The following ABHD10 variants were observed in gnomAD, a reference collection of about 807,000 sequenced individuals.
The protein encoded by ABHD10 is palmitoyl-protein thioesterase ABHD10, mitochondrial.
Under a neutral mutation model 33.1 loss-of-function variants are expected in ABHD10, and 22 were observed. The observed-to-expected ratio is 0.66, with a 90% confidence interval of 0.47 to 0.95. The LOEUF (loss-of-function observed/expected upper bound fraction) is 0.95, where lower values mean the gene tolerates loss of function less well. Among genes scored for constraint, ABHD10 ranks in the 40% least tolerant of loss-of-function variants. The pLI is 0.00. For synonymous variants in ABHD10, 146 were observed against 133.9 expected (o/e 1.09, Z -0.62); for missense variants, 352 against 379.9 (o/e 0.93, Z 0.61).
intron 4 of ABHD10, among the ~76,000 whole-genome samples, chr3:111,991,048 T>G (rs2072733471): frequency 6.6e-6 from 1 of 152,178 alleles, no homozygotes; most frequent in Non-Finnish European, 1.5e-5. Flanking sequence ...TAAATAAATT[T>G]AAATTTAAGT....
chr3:111,988,582 GT>G (rs750905439), intron 4 of ABHD10, among the ~76,000 whole-genome samples: 9 of 151,792 alleles, frequency 5.9e-5, no homozygotes, highest in Non-Finnish European at 1.0e-4. Context: ...GTGTACATTT[GT>G]TTTGGTTTTG....
chr3:111,986,366 T>C lies in ABHD10; in HGVS notation c.429T>C (p.Asp143=), dbSNP rs758270944. The change falls in exon 3 of 5, where the codon GAT becomes GAC. Residue 143 remains aspartate, a synonymous_variant. Coordinates refer to ENST00000273359, the MANE Select transcript of ABHD10 (RefSeq NM_018394.4). ...TTTCTATAATTGATGACTTAGCTGA[T>C]GGGCCACAGGTGACTGTTTTGTTAA... ...DVLSIIDDLA[D]GPQILVGSSL... 6.2e-7 allele frequency: 1 copy of C among 1,608,270 alleles called. No individual in the cohort carries two copies. Among genetic ancestry groups the C allele is most frequent in the East Asian group, 2.2e-5 (1 of 44,826 alleles).
At chr3:111,986,725 A>G (rs1006599085) in intron 3 of ABHD10, among the ~76,000 whole-genome samples, 189 bp from the exon 4 acceptor site, 2 of 152,200 alleles carry the variant, frequency 1.3e-5, no homozygotes, top group South Asian at 2.1e-4. Flanking sequence ...GTGAGCCACC[A>G]CACCCGGCCT....
intron 2 of ABHD10, among the ~76,000 whole-genome samples, chr3:111,985,265 A>G (rs1222494285): frequency 2.0e-5 from 3 of 152,202 alleles, no homozygotes; most frequent in African/African-American, 2.4e-5. Flanking sequence ...TGGGTGTGGT[A>G]TGATACTTTA....
rs2107714641 is a variant in ABHD10, at chr3:111,991,866, T to C, written c.*145T>C. The C allele has an allele frequency of 1.6e-6, 1 of 615,238 alleles. No individual in the cohort carries two copies. Among genetic ancestry groups the C allele is most frequent in the South Asian group, 2.9e-5 (1 of 34,384 alleles). 38.1% of individuals were successfully genotyped at this position (615,238 alleles called of 1,614,324 possible). ...AGTATTATTTAATGATGTATTTGCATAAGTAATGCAAATTGTGAAGAAGGA... is the reference window on the plus strand; with the variant it reads ...AGTATTATTTAATGATGTATTTGCACAAGTAATGCAAATTGTGAAGAAGGA... On this transcript the variant is annotated 3_prime_UTR_variant, in exon 5 of 5. Transcript: ENST00000273359.
rs770313072 is a variant in ABHD10, at chr3:111,986,894, T to C, written c.439-20T>C. ...TGTTCTATCTTAAAGACCTAATGTT[T>C]TATTTTATTTTATTTTTAGATTCTT... On this transcript the variant is annotated intron_variant, in intron 3 of 4. Transcript: ENST00000273359. 6.4e-7 allele frequency: 1 copy of C among 1,564,324 alleles called. No individual in the cohort carries two copies. The highest frequency in any genetic ancestry group is 1.2e-5 in the South Asian group (1 of 83,546).
chr3:111,980,413 C>CT (rs1388601987), intron 1 of ABHD10, among the ~76,000 whole-genome samples: 1 of 152,200 alleles, frequency 6.6e-6, no homozygotes, highest in Admixed American at 6.5e-5. Flanking sequence ...ATGGGGAAAA[C>CT]TTTAGCAGCA....
chr3:111,987,511 C>T (rs2072682773), intron 4 of ABHD10, among the ~76,000 whole-genome samples: 2 of 152,172 alleles, frequency 1.3e-5, no homozygotes, highest in South Asian at 4.2e-4. Flanking sequence ...GCTTCCAAGA[C>T]CTCCCATGGA....
In ABHD10 at chr3:111,991,464, A is replaced by G. The variant is rs1216572880; in HGVS notation, c.664A>G (p.Ile222Val). Residue 222 changes from isoleucine to valine, a missense_variant, in exon 5 of 5, where the codon ATT becomes GTT. Physicochemically the swap from Ile to Val is conservative, Grantham distance 29. Coordinates refer to ENST00000273359, the MANE Select transcript of ABHD10 (RefSeq NM_018394.4). ...EGVYNVQYSF[I>V]KEAEHHCLLH... ...AGTTTATAACGTTCAGTACAGTTTC[A>G]TTAAAGAAGCTGAACATCACTGCTT... The G allele has an allele frequency of 8.1e-6, 13 of 1,613,998 alleles. No homozygotes were observed. Among genetic ancestry groups the G allele is most frequent in the African/African-American group, 2.7e-5 (2 of 74,944 alleles).
chr3:111,988,524 G>C (rs1465795241), intron 4 of ABHD10, among the ~76,000 whole-genome samples: 1 of 151,740 alleles, frequency 6.6e-6, no homozygotes, highest in Non-Finnish European at 1.5e-5. Flanking sequence ...GATTTTTGGG[G>C]GTTGGGGGTT....
chr3:111,986,852 G>T, intron 3 of ABHD10, 62 bp from the exon 4 acceptor site: 3 of 1,254,416 alleles, frequency 2.4e-6, no homozygotes, highest in East Asian at 2.8e-5. Context: ...TACATATTTT[G>T]TTTTATGTTT....
intron 2 of ABHD10, among the ~76,000 whole-genome samples, chr3:111,985,881 A>G (rs1469989148): frequency 6.6e-6 from 1 of 152,196 alleles, no homozygotes; most frequent in Non-Finnish European, 1.5e-5. Flanking sequence ...AAAGTATGGT[A>G]AGGGCTCTGG....
intron 4 of ABHD10, 127 bp downstream of exon 4, chr3:111,987,178 T>C: frequency 9.7e-7 from 1 of 1,031,070 alleles, no homozygotes; most frequent in South Asian, 1.6e-5. Context: ...TGGCCCAACT[T>C]TTGTCTTAGC....
intron 4 of ABHD10, among the ~76,000 whole-genome samples, chr3:111,988,039 T>C (rs2072691431): frequency 6.6e-6 from 1 of 152,062 alleles, no homozygotes; most frequent in South Asian, 2.1e-4. Flanking sequence ...TTAACAAACC[T>C]CTTGTAAAGT....
At position 111,991,437 on chromosome 3, in the gene ABHD10, G is replaced by A. The variant is rs148523295; in HGVS notation, c.637G>A (p.Gly213Arg). 1.8e-4 allele frequency: 290 copies of A among 1,613,632 alleles called. 1 individual carries two copies. In the African/African-American group the frequency reaches 3.5e-3, roughly 19 times the overall value. ...WSMPSKYSEEGVYNVQYSFIK... is the reference protein window; with the variant it reads ...WSMPSKYSEERVYNVQYSFIK... Reference sequence around the variant, plus strand: ...CATGCCATCAAAATACTCTGAAGAAGGAGTTTATAACGTTCAGTACAGTTT... The same window carrying A: ...CATGCCATCAAAATACTCTGAAGAAAGAGTTTATAACGTTCAGTACAGTTT... The change falls in exon 5 of 5, where the codon GGA (glycine) becomes AGA (arginine). Residue 213 changes from glycine to arginine, a missense_variant. Coordinates refer to ENST00000273359, the MANE Select transcript of ABHD10 (RefSeq NM_018394.4).
At chr3:111,981,026 C>T (rs1680397859) in intron 1 of ABHD10, among the ~76,000 whole-genome samples, 1 of 151,976 alleles carries the variant, frequency 6.6e-6, no homozygotes, top group Non-Finnish European at 1.5e-5. Flanking sequence ...GGATGAAAGG[C>T]CAGGCATGGT....
At chr3:111,989,002 A>G (rs2072708100) in intron 4 of ABHD10, among the ~76,000 whole-genome samples, 2 of 152,162 alleles carry the variant, frequency 1.3e-5, no homozygotes, top group Admixed American at 6.5e-5. Flanking sequence ...TTTTGCTAAT[A>G]CTTACTCAGA....
At position 111,986,428 on chromosome 3, in the gene ABHD10, G is replaced by GTTTGTTTTGTTTTGTTTTGT. The variant is rs60295420; in HGVS notation, c.438+57_438+76dup. On this transcript the variant is annotated intron_variant, in intron 3 of 4. Transcript: ENST00000273359. ...ATTACTGTAACCTCGTATTTAAGCT[G>GTTTGTTTTGTTTTGTTTTGT]TTTGTTTTGTTTTGTTTTGTTTTTT... The GTTTGTTTTGTTTTGTTTTGT allele has an allele frequency of 3.9e-6, 4 of 1,018,844 alleles. No homozygotes were observed. In the African/African-American group the frequency reaches 5.0e-5, roughly 13 times the overall value. 63.1% of individuals were successfully genotyped at this position (1,018,844 alleles called of 1,614,324 possible).
At chr3:111,980,306 G>T (rs969857957) in intron 1 of ABHD10, among the ~76,000 whole-genome samples, 3 of 152,058 alleles carry the variant, frequency 2.0e-5, no homozygotes, top group Non-Finnish European at 4.4e-5. Flanking sequence ...TTTAAATTTG[G>T]CATATTTCTC....
Sources: gnomAD v4.1 joint callset for allele counts (sites outside exome capture counted in the v4.1 genomes callset) on GRCh38, gnomAD v4.1.1 for gene constraint, MANE v1.5 for transcripts, NCBI Gene and HGNC (gene_info 2026-07-23, HGNC 2026-07-21) for gene names.